CCL1: variants seen among roughly 807,000 people sequenced by gnomAD.
CCL1 encodes C-C motif chemokine ligand 1.
CCL1 carries 9 observed loss-of-function variants against 7.5 expected under a neutral mutation model. The ratio of observed to expected loss-of-function variants is 1.20; its 90% CI spans 0.72 to 2.09. The LOEUF is 2.09. Ranked by LOEUF, CCL1 falls within the 30% of genes most tolerant of loss-of-function variation. The pLI is 0.00. For missense variants in CCL1, 110 were observed against 113.7 expected (o/e 0.97, Z 0.15); for synonymous variants, 48 against 44.7 (o/e 1.07, Z -0.30).
At chr17:34,362,687 A>C (rs1284611790) in intron 1 of CCL1, among the ~76,000 whole-genome samples, 1 of 152,150 alleles carries the variant, frequency 6.6e-6, no homozygotes, top group Non-Finnish European at 1.5e-5. Flanking sequence ...TGAGAGCTAA[A>C]GTGACTTGCC....
chr17:34,361,946 C>T (rs187961414), intron 1 of CCL1, 50 bp from the exon 2 acceptor site: 12 of 1,252,244 alleles, frequency 9.6e-6, no homozygotes, highest in Middle Eastern at 1.9e-4. Context: ...CAACCTCTCA[C>T]CTGTAGCACA....
chr17:34,362,040 G>A (rs1452036098), intron 1 of CCL1, 144 bp from the exon 2 acceptor site: 3 of 557,722 alleles, frequency 5.4e-6, no homozygotes, highest in South Asian at 4.6e-5. Flanking sequence ...GCATAGCTCT[G>A]CCTCATCAGC....
At chr17:34,361,981 C>T (rs773202286) in intron 1 of CCL1, 85 bp from the exon 2 acceptor site, 77 of 883,962 alleles carry the variant, frequency 8.7e-5, no homozygotes, top group East Asian at 3.0e-4. Flanking sequence ...AACAAAAAAA[C>T]GCCTCCCAGG....
At chr17:34,360,752 C>G in intron 2 of CCL1, 91 bp from the exon 3 acceptor site, 2 of 931,268 alleles carry the variant, frequency 2.1e-6, no homozygotes, top group Non-Finnish European at 3.5e-6. Flanking sequence ...GCTGCCAGGT[C>G]CCCTAAACTG....
intron 2 of CCL1, 74 bp downstream of exon 2, chr17:34,361,711 T>C: frequency 2.0e-6 from 2 of 991,330 alleles, no homozygotes; most frequent in Middle Eastern, 2.4e-4. Flanking sequence ...TACTGTCATC[T>C]AGTGTCTACT....
chr17:34,360,374 C>A lies in CCL1; in HGVS notation c.*185G>T. Reference sequence around the variant, plus strand: ...TTTTCACTCTGAAATCCAAGAGACCCAGAGGGTTGGGGGTTGATGATTGTA... The same window carrying A: ...TTTTCACTCTGAAATCCAAGAGACCAAGAGGGTTGGGGGTTGATGATTGTA... On this transcript the variant is annotated 3_prime_UTR_variant, in exon 3 of 3. Transcript: ENST00000225842. 1 of 549,640 alleles carries A rather than the reference C, an allele frequency of 1.8e-6. No individual in the cohort carries two copies. Among genetic ancestry groups the A allele is most frequent in the South Asian group, 2.1e-5 (1 of 47,694 alleles). 34.0% of individuals were successfully genotyped at this position (549,640 alleles called of 1,614,324 possible).
chr17:34,362,649 C>T (rs1195865864), intron 1 of CCL1, among the ~76,000 whole-genome samples: 1 of 152,164 alleles, frequency 6.6e-6, no homozygotes, highest in Non-Finnish European at 1.5e-5. Flanking sequence ...ATCATCAACT[C>T]CATTTCACTG....
rs3136682 is a variant in CCL1 at position 34,360,423 on chromosome 17, C to T, written c.*136G>A. 0.026 allele frequency: 17,882 copies of T among 694,788 alleles called. 367 individuals carry two copies. Among genetic ancestry groups the T allele is most frequent in the African/African-American group, 0.074 (4,183 of 56,582 alleles). 43.0% of individuals were successfully genotyped at this position (694,788 alleles called of 1,614,324 possible). ...TATAATTTAAATGTTTAAAGTGCAA[C>T]AACATAGCTTATCAAGACCAAGCAG... On this transcript the variant is annotated 3_prime_UTR_variant, in exon 3 of 3. Coordinates refer to ENST00000225842, the MANE Select transcript of CCL1 (RefSeq NM_002981.2).
Position 34,361,664 on chromosome 17 carries a change from T to C in CCL1, c.188+121A>G, listed in dbSNP as rs1012925352. 4.3e-6 allele frequency: 3 copies of C among 690,942 alleles called. No homozygotes were observed. In the African/African-American group the frequency reaches 5.2e-5, roughly 12 times the overall value. 42.8% of individuals were successfully genotyped at this position (690,942 alleles called of 1,614,324 possible). A position where few individuals can be genotyped will look rare whatever the true frequency, so the allele number is the denominator to read the frequency against. On this transcript the variant is annotated intron_variant, in intron 2 of 2. Coordinates refer to ENST00000225842, the MANE Select transcript of CCL1 (RefSeq NM_002981.2). ...CCAAGTGTGGCTTGCACCCAGGTGC[T>C]GGCAGCTCTGGGTTTAGAAACCTTA...
Position 34,361,946 on chromosome 17 carries a change from C to A in CCL1, c.77-50G>T, listed in dbSNP as rs187961414. ...TTTGCATCCATTTCTCAACCTCTCACCTGTAGCACAATTTTTAAAAAACAA... is the reference window on the plus strand; with the variant it reads ...TTTGCATCCATTTCTCAACCTCTCAACTGTAGCACAATTTTTAAAAAACAA... On this transcript the variant is annotated intron_variant, in intron 1 of 2. Coordinates refer to ENST00000225842, the MANE Select transcript of CCL1 (RefSeq NM_002981.2). 143 of 1,252,358 alleles carry A rather than the reference C, an allele frequency of 1.1e-4. No individual in the cohort carries two copies. In the African/African-American group the frequency reaches 1.9e-3, roughly 16 times the overall value. 77.6% of individuals were successfully genotyped at this position (1,252,358 alleles called of 1,614,324 possible).
rs915439488 is a variant in CCL1 at position 34,363,075 on chromosome 17, G to A, written c.76+11C>T. 6.2e-7 allele frequency: 1 copy of A among 1,611,026 alleles called. No homozygotes were observed. Among genetic ancestry groups the A allele is most frequent in the Non-Finnish European group, 8.5e-7 (1 of 1,179,752 alleles). ...CCCAGAGAGAAGCAAAATGATGCCT[G>A]CCACACTCACTGCTCTTGCTGTCCA... is the stretch of plus-strand genomic sequence containing the variant. On this transcript the variant is annotated intron_variant, in intron 1 of 2. Transcript: ENST00000225842.
chr17:34,362,215 A>G (rs778833529), intron 1 of CCL1, among the ~76,000 whole-genome samples: 1 of 152,160 alleles, frequency 6.6e-6, no homozygotes, highest in Non-Finnish European at 1.5e-5. Context: ...AGGCTCATCC[A>G]GTTTTGGTAT....
At chr17:34,363,039 T>C (rs371074313) in intron 1 of CCL1, 47 bp downstream of exon 1, 3 of 1,580,914 alleles carry the variant, frequency 1.9e-6, no homozygotes, top group African/African-American at 2.7e-5. Context: ...GCTGACCACG[T>C]TTCTGCCCTC....
rs1910472898 is a variant in CCL1 at position 34,360,369 on chromosome 17, A to G, written c.*190T>C. 2 of 539,360 alleles carry G rather than the reference A, an allele frequency of 3.7e-6. No homozygotes were observed. Among genetic ancestry groups the G allele is most frequent in the East Asian group, 6.4e-5 (2 of 31,456 alleles). The allele number at this position is 539,360 out of a possible 1,614,324, so 33.4% of individuals were successfully genotyped here. On this transcript the variant is annotated 3_prime_UTR_variant, in exon 3 of 3. Coordinates refer to ENST00000225842, the MANE Select transcript of CCL1 (RefSeq NM_002981.2). ...TCAAGTTTTCACTCTGAAATCCAAG[A>G]GACCCAGAGGGTTGGGGGTTGATGA...
intron 1 of CCL1, among the ~76,000 whole-genome samples, chr17:34,362,630 A>G (rs1475298801): frequency 6.6e-6 from 1 of 152,132 alleles, no homozygotes; most frequent in Non-Finnish European, 1.5e-5. Flanking sequence ...ACAGTCTTGG[A>G]GGGCAGACAT....
intron 2 of CCL1, 76 bp downstream of exon 2, chr17:34,361,709 T>G: frequency 1.0e-6 from 1 of 983,858 alleles, no homozygotes; most frequent in Non-Finnish European, 1.6e-6. Flanking sequence ...AATACTGTCA[T>G]CTAGTGTCTA....
At chr17:34,362,840 G>T (rs1910541595) in intron 1 of CCL1, among the ~76,000 whole-genome samples, 1 of 48,816 alleles carries the variant, frequency 2.0e-5, no homozygotes, top group African/African-American at 3.2e-5. Context: ...TCCCTTCCTT[G>T]GGTCTGGATG....
intron 2 of CCL1, 26 bp from the exon 3 acceptor site, chr17:34,360,687 G>C (rs762754549): frequency 4.2e-5 from 67 of 1,583,620 alleles, no homozygotes; most frequent in Non-Finnish European, 5.5e-5. Context: ...AAGAGAGAAG[G>C]CTGAGCCACC....
In CCL1 at chr17:34,360,647, C is replaced by T. The variant is rs569683500; in HGVS notation, c.203G>A (p.Arg68Lys). 1.2e-6 allele frequency: 2 copies of T among 1,613,094 alleles called. No homozygotes were observed. The highest frequency in any genetic ancestry group is 2.2e-5 in the South Asian group (2 of 91,038). Residue 68 changes from arginine (R) to lysine (K), a missense_variant, in exon 3 of 3, where the codon AGA becomes AAA. Transcript: ENST00000225842. Reference sequence around the variant, plus strand: ...GTCCAAGGCGCAGGCCTCTTTGCCTCTCTTCAGCTTGAATCTGTGAACAGA... The same window carrying T: ...GTCCAAGGCGCAGGCCTCTTTGCCTTTCTTCAGCTTGAATCTGTGAACAGA... ...SNEGLIFKLK[R>K]GKEACALDTV...
Sources: gnomAD v4.1 joint callset for allele counts (sites outside exome capture counted in the v4.1 genomes callset) on GRCh38, gnomAD v4.1.1 for gene constraint, MANE v1.5 for transcripts, NCBI Gene and HGNC (gene_info 2026-07-23, HGNC 2026-07-21) for gene names.